Variants in DIS3L observed in about 807,000 individuals in gnomAD.
The protein encoded by DIS3L is DIS3 like exosome 3'-5' exoribonuclease.
DIS3L carries 100 observed loss-of-function variants against 120.3 expected under a neutral mutation model. That is an observed-to-expected ratio of 0.83 (90% CI 0.71 to 0.98). The LOEUF (loss-of-function observed/expected upper bound fraction) is 0.98, where lower values mean the gene tolerates loss of function less well. Among genes scored for constraint, DIS3L ranks in the 50% least tolerant of loss-of-function variants. The probability of loss-of-function intolerance (pLI) is 0.00; values close to 1 mark genes in which losing one functional copy is unlikely to be tolerated. For missense variants in DIS3L, 1,196 were observed against 1,314.2 expected (o/e 0.91, Z 1.39); for synonymous variants, 426 against 470.6 (o/e 0.91, Z 1.23).
intron 7 of DIS3L, among the ~76,000 whole-genome samples, chr15:66,317,991 T>C (rs897774325): frequency 2.0e-5 from 3 of 152,230 alleles, no homozygotes; most frequent in South Asian, 2.1e-4. Context: ...GTGTTTGTTA[T>C]TGAGACGGCA....
chr15:66,310,492 A>G (rs2092749584), intron 4 of DIS3L, among the ~76,000 whole-genome samples: 1 of 152,200 alleles, frequency 6.6e-6, no homozygotes, highest in Non-Finnish European at 1.5e-5. Flanking sequence ...AAAAAGAGAT[A>G]TTGTGAAGTT....
chr15:66,293,424 T>C (rs1164463319), upstream of DIS3L: 1 of 1,178,050 alleles, frequency 8.5e-7, no homozygotes, highest in African/African-American at 1.6e-5. Context: ...GGGAAGAAAC[T>C]AAGGCCGGGA....
chr15:66,333,142 G>T lies in DIS3L; in HGVS notation c.2995G>T (p.Glu999Ter). Residue 999 changes from glutamate to a stop codon, truncating the protein, a stop_gained, in exon 17 of 17, where the codon GAA becomes TAA. Transcript: ENST00000319212. LOFTEE classifies it high-confidence loss of function. The stretch of plus-strand genomic sequence containing the variant: ...CTTGCTGAAGAGTGAGTTAGTGAAA[G>T]AAGTAACTAAATCTGTGGAAGAAGC... The part of the protein sequence containing the change: ...SPLLKSELVK[E>*]VTKSVEEAQL... 1 of 1,613,748 alleles carries T rather than the reference G, an allele frequency of 6.2e-7. No homozygotes were observed. The highest frequency in any genetic ancestry group is 1.1e-5 in the South Asian group (1 of 91,084).
intron 5 of DIS3L, among the ~76,000 whole-genome samples, chr15:66,313,751 GTA>G (rs939239211): frequency 1.6e-4 from 24 of 150,022 alleles, no homozygotes; most frequent in Non-Finnish European, 2.5e-4. Context: ...AAAAAAAAGT[GTA>G]TATGTGTGTG....
Position 66,333,436 on chromosome 15 carries a change from G to A in DIS3L, c.*124G>A. 8.9e-7 allele frequency: 1 copy of A among 1,120,674 alleles called. No individual in the cohort carries two copies. Among genetic ancestry groups the A allele is most frequent in the Non-Finnish European group, 1.2e-6 (1 of 805,088 alleles). 69.4% of individuals were successfully genotyped at this position (1,120,674 alleles called of 1,614,324 possible). On this transcript the variant is annotated 3_prime_UTR_variant, in exon 17 of 17. Coordinates refer to ENST00000319212, the MANE Select transcript of DIS3L (RefSeq NM_001143688.3). ...GACTGGGTAGCTATTTCGCATATAT[G>A]TAAAATGTTCTCAGCCGGGCACGGT...
At chr15:66,323,388 A>G in intron 10 of DIS3L, 105 bp from the exon 11 acceptor site, 1 of 1,057,254 alleles carries the variant, frequency 9.5e-7, no homozygotes, top group South Asian at 1.3e-5. Context: ...AGCCTTGGGG[A>G]ATCTGTAGTG....
chr15:66,309,094 A>AAAAAAAATATATAT, intron 4 of DIS3L, among the ~76,000 whole-genome samples: 3,126 of 15,390 alleles, frequency 0.2, 1,005 homozygotes, highest in Middle Eastern at 0.29. Flanking sequence ...AAAAAAAAAA[A>AAAAAAAATATATAT]ATATATATAT....
Position 66,315,188 on chromosome 15 carries a change from G to A in DIS3L, c.967G>A (p.Glu323Lys), listed in dbSNP as rs750243637. Residue 323 changes from glutamate (E) to lysine (K), a missense_variant, in exon 7 of 17, where the codon GAG becomes AAG. Glu to Lys is a moderately conservative substitution (Grantham distance 56). Transcript: ENST00000319212. Reference protein sequence around the residue: ...ENDCDDKASGESPSEPMPTGR... With the variant: ...ENDCDDKASGKSPSEPMPTGR... ...TGACTGTGACGACAAGGCTTCGGGC[G>A]AGTCCCCAAGTGAGCCCATGCCTAC... 8 of 1,613,266 alleles carry A rather than the reference G, an allele frequency of 5.0e-6. No individual in the cohort carries two copies. Among genetic ancestry groups the A allele is most frequent in the South Asian group, 2.2e-5 (2 of 90,988 alleles).
At chr15:66,321,705 G>A (rs1451639981) in intron 9 of DIS3L, among the ~76,000 whole-genome samples, 2 of 149,460 alleles carry the variant, frequency 1.3e-5, no homozygotes, top group Non-Finnish European at 3.0e-5. Flanking sequence ...GGCGGAGGTT[G>A]CAGTGAGCCG....
intron 2 of DIS3L, among the ~76,000 whole-genome samples, chr15:66,296,832 C>G (rs1478558241): frequency 9.2e-5 from 14 of 152,140 alleles, no homozygotes; most frequent in Non-Finnish European, 1.6e-4. Context: ...CAAAATCAGT[C>G]TTAGTCCCTC....
At chr15:66,297,775 G>A (rs1467026419) in intron 2 of DIS3L, among the ~76,000 whole-genome samples, 1 of 152,124 alleles carries the variant, frequency 6.6e-6, no homozygotes, top group African/African-American at 2.4e-5. Context: ...GGTCCTGTCT[G>A]GTGTCTGGTG....
At chr15:66,331,286 T>C (rs955060069) in intron 14 of DIS3L, 2 of 152,404 alleles carry the variant, frequency 1.3e-5, no homozygotes, top group Non-Finnish European at 2.9e-5. Flanking sequence ...CCGGGCGCGG[T>C]GGCTCATGCC....
rs964229627 is a variant in DIS3L, at chr15:66,329,783, G to A, written c.2535+384G>A. The A allele has an allele frequency of 2.0e-5, 19 of 930,048 alleles. No individual in the cohort carries two copies. In the East Asian group the frequency reaches 1.0e-3, roughly 50 times the overall value. The allele number at this position is 930,048 out of a possible 1,614,324, so 57.6% of individuals were successfully genotyped here. A position where few individuals can be genotyped will look rare whatever the true frequency, so the allele number is the denominator to read the frequency against. ...AAAAATTAGCCGGGTGTGATGGCAC[G>A]CGCCTGTAGTCCCAGTTACTTGGGA... On this transcript the variant is annotated intron_variant, in intron 14 of 16. Transcript: ENST00000319212.
chr15:66,313,873 A>ATG (rs1185205536), intron 5 of DIS3L, among the ~76,000 whole-genome samples, 166 bp from the exon 6 acceptor site: 1 of 149,720 alleles, frequency 6.7e-6, no homozygotes. Context: ...GTGTATATAT[A>ATG]TATATATGTG....
chr15:66,333,529 G>A lies in DIS3L; in HGVS notation c.*217G>A, dbSNP rs2093026026. Reference sequence around the variant, plus strand: ...GCGGATCACGAGGTCAGGAGATTGAGACCATCCTGGCTAACACGGTGAAAC... The same window carrying A: ...GCGGATCACGAGGTCAGGAGATTGAAACCATCCTGGCTAACACGGTGAAAC... On this transcript the variant is annotated 3_prime_UTR_variant, in exon 17 of 17. Coordinates refer to ENST00000319212, the MANE Select transcript of DIS3L (RefSeq NM_001143688.3). 1 of 408,452 alleles carries A rather than the reference G, an allele frequency of 2.4e-6. No homozygotes were observed. The highest frequency in any genetic ancestry group is 4.4e-6 in the Non-Finnish European group (1 of 229,796). The allele number at this position is 408,452 out of a possible 1,614,324, so 25.3% of individuals were successfully genotyped here.
At chr15:66,328,898 G>C in intron 12 of DIS3L, 72 bp from the exon 13 acceptor site, 16 of 1,522,264 alleles carry the variant, frequency 1.1e-5, no homozygotes, top group Non-Finnish European at 1.4e-5. Context: ...GATGAGTGAA[G>C]GGTTCCCCTC....
At chr15:66,326,649 G>T in intron 12 of DIS3L, 1 of 278,612 alleles carries the variant, frequency 3.6e-6, no homozygotes, top group South Asian at 4.8e-5. Flanking sequence ...GTATGATCTC[G>T]GCTCACTGCA....
chr15:66,303,590 A>G (rs1450252942), intron 2 of DIS3L, among the ~76,000 whole-genome samples: 1 of 152,210 alleles, frequency 6.6e-6, no homozygotes, highest in Non-Finnish European at 1.5e-5. Context: ...ACAAAATATG[A>G]TGGTAGGTAA....
chr15:66,314,150 T>G (rs2092793461), intron 6 of DIS3L, 33 bp downstream of exon 6: 1 of 1,407,758 alleles, frequency 7.1e-7, no homozygotes, highest in Non-Finnish European at 9.3e-7. Flanking sequence ...ATTTCCATAC[T>G]CCTTTTTTAT....
Sources: gnomAD v4.1 joint callset for allele counts (sites outside exome capture counted in the v4.1 genomes callset) on GRCh38, gnomAD v4.1.1 for gene constraint, MANE v1.5 for transcripts, NCBI Gene and HGNC (gene_info 2026-07-23, HGNC 2026-07-21) for gene names.